SNTG1: variants seen among roughly 807,000 people sequenced by gnomAD.
The protein encoded by SNTG1 is syntrophin gamma 1.
Under a neutral mutation model 74.7 loss-of-function variants are expected in SNTG1, and 39 were observed. That is an observed-to-expected ratio of 0.52 (90% confidence interval 0.40 to 0.68). The LOEUF is 0.68. SNTG1 is among the 30% of genes least tolerant of loss of function. The pLI is 0.00. For synonymous variants in SNTG1, 254 were observed against 217.1 expected (o/e 1.17, Z -1.49); for missense variants, 685 against 609.5 (o/e 1.12, Z -1.30).
At chr8:50,558,221 G>A (rs2094467505) in intron 12 of SNTG1, among the ~76,000 whole-genome samples, 1 of 152,150 alleles carries the variant, frequency 6.6e-6, no homozygotes, top group Admixed American at 6.5e-5. Context: ...AGCTGGCCCG[G>A]CTGCCCCAGG....
intron 15 of SNTG1, among the ~76,000 whole-genome samples, chr8:50,667,934 A>C (rs1183697893): frequency 6.6e-6 from 1 of 152,018 alleles, no homozygotes; most frequent in Non-Finnish European, 1.5e-5. Flanking sequence ...TGATAATAGA[A>C]CTTTAATTCC....
intron 18 of SNTG1, among the ~76,000 whole-genome samples, chr8:50,755,146 G>C (rs2095577149): frequency 6.6e-6 from 1 of 151,708 alleles, no homozygotes; most frequent in Non-Finnish European, 1.5e-5. Context: ...CATTACAGTT[G>C]ACTCTTGGTG....
chr8:50,656,829 A>AT, intron 13 of SNTG1, 80 bp from the exon 14 acceptor site: 1 of 893,482 alleles, frequency 1.1e-6, no homozygotes, highest in Non-Finnish European at 1.8e-6. Context: ...TATTTTTAAT[A>AT]TTTGCATCTA....
At chr8:49,929,042 G>C (rs888118339) in intron 1 of SNTG1, among the ~76,000 whole-genome samples, 3 of 152,006 alleles carry the variant, frequency 2.0e-5, no homozygotes, top group Non-Finnish European at 4.4e-5. Context: ...CAAAGAAAAA[G>C]CTGGCTTTTC....
chr8:50,662,133 G>T (rs549593352), intron 15 of SNTG1, among the ~76,000 whole-genome samples: 1 of 152,128 alleles, frequency 6.6e-6, no homozygotes, highest in African/African-American at 2.4e-5. Context: ...AATCAGAGGG[G>T]GAGTCTTCTA....
At chr8:50,701,134 T>G (rs574487383) in intron 15 of SNTG1, among the ~76,000 whole-genome samples, 1 of 152,348 alleles carries the variant, frequency 6.6e-6, no homozygotes, top group East Asian at 1.9e-4. Flanking sequence ...ATAATATTTT[T>G]TATTATAAGG....
chr8:50,145,341 G>A (rs1483650047), intron 1 of SNTG1, among the ~76,000 whole-genome samples: 5 of 152,058 alleles, frequency 3.3e-5, no homozygotes, highest in Non-Finnish European at 7.4e-5. Context: ...TATAGACTCA[G>A]TTTTATTTGC....
Position 50,219,935 on chromosome 8 carries a change from C to T in SNTG1, c.-28+47300C>T, listed in dbSNP as rs1009103821. ...TAAGACCAAAAGCTTTTCTTGAGAT[C>T]AAACATGAAAGTTTAATTCACCAGG... On this transcript the variant is annotated intron_variant, in intron 2 of 18. Transcript: ENST00000642720. 2.8e-4 allele frequency among the ~76,000 whole-genome samples: 43 copies of T among 152,130 alleles called. 1 individual carries two copies. Among genetic ancestry groups the T allele is most frequent in the Admixed American group, 1.1e-3 (17 of 15,274 alleles).
chr8:50,740,377 C>A (rs1317404060), intron 17 of SNTG1, among the ~76,000 whole-genome samples: 2 of 140,886 alleles, frequency 1.4e-5, no homozygotes, highest in Admixed American at 7.0e-5. Flanking sequence ...AAAAAAAAAA[C>A]CTCAACATCA....
intron 1 of SNTG1, among the ~76,000 whole-genome samples, chr8:50,072,628 T>G (rs1158625060): frequency 6.6e-6 from 1 of 152,152 alleles, no homozygotes; most frequent in African/African-American, 2.4e-5. Flanking sequence ...ACATCATACT[T>G]TTATCTTGAA....
chr8:50,361,024 C>G (rs534679912), intron 2 of SNTG1, among the ~76,000 whole-genome samples: 3 of 152,136 alleles, frequency 2.0e-5, no homozygotes, highest in Non-Finnish European at 2.9e-5. Context: ...TTTTTTAACT[C>G]TTTTGTAATA....
At chr8:50,083,360 G>T (rs958010673) in intron 1 of SNTG1, among the ~76,000 whole-genome samples, 1 of 152,158 alleles carries the variant, frequency 6.6e-6, no homozygotes, top group African/African-American at 2.4e-5. Flanking sequence ...AAAAGCTAAA[G>T]AGACTTAGAT....
At position 50,283,655 on chromosome 8, in the gene SNTG1, T is replaced by C. The variant is rs375149303; in HGVS notation, c.-27-110557T>C. ...TTAAAAGTTTCTCATTCCTGAGAAG[T>C]TCATCTTGAATCAACTCTTAACTGA... On this transcript the variant is annotated intron_variant, in intron 2 of 18. Transcript: ENST00000642720. Among the ~76,000 whole-genome samples the C allele has an allele frequency of 9.8e-5, 15 of 152,298 alleles. No homozygotes were observed. In the South Asian group the frequency reaches 3.1e-3, roughly 32 times the overall value.
chr8:50,422,724 A>G (rs2093109237), intron 4 of SNTG1, among the ~76,000 whole-genome samples: 1 of 152,138 alleles, frequency 6.6e-6, no homozygotes, highest in Non-Finnish European at 1.5e-5. Flanking sequence ...TTAGACATGC[A>G]GAAACCTGAA....
rs1034669736 is a variant in SNTG1 at position 50,183,954 on chromosome 8, T to C, written c.-28+11319T>C. 3.3e-4 allele frequency among the ~76,000 whole-genome samples: 50 copies of C among 152,200 alleles called. 1 individual carries two copies. Among genetic ancestry groups the C allele is most frequent in the African/African-American group, 1.2e-3 (50 of 41,452 alleles). On this transcript the variant is annotated intron_variant, in intron 2 of 18. Coordinates refer to ENST00000642720, the MANE Select transcript of SNTG1 (RefSeq NM_018967.5). ...AAATCTACCAAACTAGCTGCATTTATTCCCGTATCCCTTCTTACTATGAAG... is the reference window on the plus strand; with the variant it reads ...AAATCTACCAAACTAGCTGCATTTACTCCCGTATCCCTTCTTACTATGAAG...
chr8:50,034,433 G>A (rs1356775073), intron 1 of SNTG1, among the ~76,000 whole-genome samples: 1 of 151,478 alleles, frequency 6.6e-6, no homozygotes, highest in East Asian at 2.0e-4. Flanking sequence ...TGTTTAAGAA[G>A]TTTATATACA....
intron 18 of SNTG1, among the ~76,000 whole-genome samples, chr8:50,761,272 T>C (rs2095598051): frequency 6.6e-6 from 1 of 151,880 alleles, no homozygotes; most frequent in Admixed American, 6.6e-5. Context: ...TGCAACGTTT[T>C]CCTGATTCAG....
In SNTG1 at chr8:50,701,618, C is replaced by CTTCTTCTTCTTCTT. The variant is rs201341360; in HGVS notation, c.1039-2982_1039-2981insTTCTTCTTCTTCTT. On this transcript the variant is annotated intron_variant, in intron 15 of 18. Coordinates refer to ENST00000642720, the MANE Select transcript of SNTG1 (RefSeq NM_018967.5). ...TCTTCTTCTTCTTCTTCTTCTTCTT[C>CTTCTTCTTCTTCTT]GTGTTCCTCTTCCTCTTCTTCTTCC... Among the ~76,000 whole-genome samples the CTTCTTCTTCTTCTT allele has an allele frequency of 9.4e-3, 1,282 of 136,964 alleles. 29 individuals are homozygous for CTTCTTCTTCTTCTT. Among genetic ancestry groups the CTTCTTCTTCTTCTT allele is most frequent in the Middle Eastern group, 0.029 (8 of 278 alleles). The allele number at this position is 136,964 out of a possible 152,430, so 89.9% of individuals were successfully genotyped here.
intron 1 of SNTG1, among the ~76,000 whole-genome samples, chr8:50,141,108 C>A (rs1268473627): frequency 3.3e-5 from 5 of 152,188 alleles, no homozygotes; most frequent in Non-Finnish European, 7.3e-5. Context: ...TACATGGAGT[C>A]TCCAGGTTTC....
Sources: allele counts gnomAD v4.1 joint callset (sites outside exome capture counted in the v4.1 genomes callset), GRCh38; gene constraint gnomAD v4.1.1; transcripts MANE v1.5; gene names NCBI Gene and HGNC (gene_info 2026-07-23, HGNC 2026-07-21).